Variants in ECHDC2 observed in about 807,000 individuals in gnomAD.
The protein encoded by ECHDC2 is enoyl-CoA hydratase domain containing 2.
A neutral mutation model predicts 40.6 loss-of-function variants in ECHDC2; 34 were observed. That is an observed-to-expected ratio of 0.84 (90% confidence interval 0.64 to 1.11). The LOEUF (loss-of-function observed/expected upper bound fraction) is 1.11, where lower values mean the gene tolerates loss of function less well. Ranked by LOEUF, ECHDC2 falls within the 50% of genes most tolerant of loss-of-function variation. ECHDC2 has a pLI of 0.00. For missense variants in ECHDC2, 392 were observed against 400.7 expected, an observed-to-expected ratio of 0.98 and a Z score of 0.19; for synonymous variants, 162 against 166.6, an observed-to-expected ratio of 0.97 and a Z score of 0.21.
Position 52,902,822 on chromosome 1 carries a change from C to A in ECHDC2, c.702+1824G>T, listed in dbSNP as rs1273134970. ...GGTGTTGTTTTTTTTTCTAATACTA[C>A]AATCACTCTTTGTGACCTTGATGAA... On this transcript the variant is annotated intron_variant, in intron 7 of 9. Coordinates refer to ENST00000371522, the MANE Select transcript of ECHDC2 (RefSeq NM_001198961.2). Among the ~76,000 whole-genome samples the A allele has an allele frequency of 4.6e-5, 7 of 151,852 alleles. No homozygotes were observed. The East Asian group carries it at 1.4e-3, about 29-fold the overall frequency.
intron 1 of ECHDC2, among the ~76,000 whole-genome samples, chr1:52,918,565 CA>C (rs1331049465): frequency 6.6e-6 from 1 of 151,122 alleles, no homozygotes; most frequent in Non-Finnish European, 1.5e-5. Flanking sequence ...TTGTTTTTAA[CA>C]AAAAAAGTTT....
chr1:52,897,519 C>T lies in ECHDC2; in HGVS notation c.754-35G>A, dbSNP rs185624032. The stretch of plus-strand genomic sequence containing the variant: ...AGACGTGCTCCCTGGATTGGTCTGA[C>T]CTTGTCCATCTTCACCCACACTGGA... On this transcript the variant is annotated intron_variant, in intron 8 of 9. Coordinates refer to ENST00000371522, the MANE Select transcript of ECHDC2 (RefSeq NM_001198961.2). 1.2e-5 allele frequency: 19 copies of T among 1,612,674 alleles called. No homozygotes were observed. In the East Asian group the frequency reaches 2.5e-4, roughly 21 times the overall value.
intron 7 of ECHDC2, among the ~76,000 whole-genome samples, chr1:52,903,964 C>T (rs920352842): frequency 1.3e-5 from 2 of 151,822 alleles, no homozygotes; most frequent in Non-Finnish European, 2.9e-5. Flanking sequence ...ATTACAGGTG[C>T]GTGCCTCCAC....
At position 52,914,168 on chromosome 1, in the gene ECHDC2, G is replaced by A. The variant is rs1464145835; in HGVS notation, c.122-2378C>T. ...TTGGAGAAAAAGGACAAACAAGTAA[G>A]GGGCCTCCAGTGGGCAGAGGGGAGC... On this transcript the variant is annotated intron_variant, in intron 1 of 9. Coordinates refer to ENST00000371522, the MANE Select transcript of ECHDC2 (RefSeq NM_001198961.2). The surrounding 1 kb of genome is among the most constrained non-coding windows in gnomAD (Gnocchi z 4.0). The A allele has an allele frequency of 2.2e-6, 1 of 453,892 alleles. No individual in the cohort carries two copies. The highest frequency in any genetic ancestry group is 4.4e-6 in the Non-Finnish European group (1 of 228,656). The allele number at this position is 453,892 out of a possible 1,614,324, so 28.1% of individuals were successfully genotyped here. A position where few individuals can be genotyped will look rare whatever the true frequency, so the allele number is the denominator to read the frequency against.
At chr1:52,920,442 A>G (rs1392882754) in intron 1 of ECHDC2, 4 of 1,183,958 alleles carry the variant, frequency 3.4e-6, no homozygotes, top group East Asian at 2.5e-5. Context: ...CCACTGAAAC[A>G]GCCCAAGAAT....
chr1:52,921,554 T>C lies in ECHDC2; in HGVS notation c.120A>G (p.Gln40=). 6.2e-7 allele frequency: 1 copy of C among 1,609,578 alleles called. No homozygotes were observed. The highest frequency in any genetic ancestry group is 8.5e-7 in the Non-Finnish European group (1 of 1,178,568). ...GCCGCCCCGGAACTGCACATTTACC[T>C]TGGTCCGGACCCGCCAGGGCGCGCA... ...IQVRALAGPD[Q]GITEILMNRP... Residue 40 remains glutamine (Q), a splice_region_variant and synonymous_variant, in exon 1 of 10, where the codon CAA becomes CAG. Coordinates refer to ENST00000371522, the MANE Select transcript of ECHDC2 (RefSeq NM_001198961.2).
intron 3 of ECHDC2, among the ~76,000 whole-genome samples, chr1:52,909,084 C>T (rs1451550623): frequency 2.0e-5 from 3 of 152,054 alleles, no homozygotes; most frequent in African/African-American, 4.8e-5. Flanking sequence ...TACTACCTCA[C>T]GTCTATTAGA....
intron 4 of ECHDC2, chr1:52,906,941 AT>A (rs532560153): frequency 0.021 from 2,240 of 107,176 alleles, 17 homozygotes; most frequent in African/African-American, 0.03. Flanking sequence ...ATTTTTTTGT[AT>A]TTTTTTTTTT....
At position 52,911,730 on chromosome 1, in the gene ECHDC2, A is replaced by G. The variant is rs1017277468; in HGVS notation, c.182T>C (p.Val61Ala). 1.2e-6 allele frequency: 2 copies of G among 1,613,806 alleles called. No homozygotes were observed. The highest frequency in any genetic ancestry group is 8.5e-7 in the Non-Finnish European group (1 of 1,179,776). The change falls in exon 2 of 10, where the codon GTC becomes GCC. Residue 61 changes from valine (V) to alanine (A), a missense_variant. By Grantham distance (64) the Val-to-Ala change is moderately conservative. Coordinates refer to ENST00000371522, the MANE Select transcript of ECHDC2 (RefSeq NM_001198961.2). Reference sequence around the variant, plus strand: ...GCGCCCGCCCTTTCTTACCTCACTGACGAAGACATTCCCCAAGGCATTGCG... The same window carrying G: ...GCGCCCGCCCTTTCTTACCTCACTGGCGAAGACATTCCCCAAGGCATTGCG... ...SARNALGNVFVSELLETLAQL... is the reference protein window; with the variant it reads ...SARNALGNVFASELLETLAQL...
chr1:52,905,937 G>A (rs188454045), intron 5 of ECHDC2: 82 of 227,740 alleles, frequency 3.6e-4, no homozygotes, highest in African/African-American at 1.8e-3. Context: ...AGGAGAGAGC[G>A]GTGGGGGGAG....
chr1:52,921,211 G>C (rs554421740), intron 1 of ECHDC2, among the ~76,000 whole-genome samples: 1 of 152,264 alleles, frequency 6.6e-6, no homozygotes, highest in South Asian at 2.1e-4. Flanking sequence ...CAGGACCCTT[G>C]GCGGGGGAGG....
At position 52,904,805 on chromosome 1, in the gene ECHDC2, C is replaced by G; in HGVS notation, c.543G>C (p.Leu181=). ...TGAGCTCCTTCGCCAGGGCCACCCC[C>G]AGACAACGGGGCAGCCTCTGAGTCC... The part of the protein sequence containing the change: ...AGGTQRLPRC[L]GVALAKELIF... Residue 181 remains leucine (L), a synonymous_variant, in exon 7 of 10, where the codon CTG becomes CTC. Coordinates refer to ENST00000371522, the MANE Select transcript of ECHDC2 (RefSeq NM_001198961.2). The G allele has an allele frequency of 1.2e-6, 2 of 1,613,026 alleles. No individual in the cohort carries two copies. Among genetic ancestry groups the G allele is most frequent in the Non-Finnish European group, 1.7e-6 (2 of 1,179,784 alleles).
chr1:52,911,723 C>T lies in ECHDC2; in HGVS notation c.189G>A (p.Glu63=), dbSNP rs1649563901. The T allele has an allele frequency of 1.2e-6, 2 of 1,614,172 alleles. No individual in the cohort carries two copies. The highest frequency in any genetic ancestry group is 1.7e-6 in the Non-Finnish European group (2 of 1,179,990). ...CACCCTGGCGCCCGCCCTTTCTTAC[C>T]TCACTGACGAAGACATTCCCCAAGG... ...RNALGNVFVS[E]LLETLAQLRE... is the part of the protein sequence containing the mutation. The change falls in exon 2 of 10, where the codon GAG becomes GAA. Residue 63 remains glutamate (E), a splice_region_variant and synonymous_variant. Transcript: ENST00000371522.
chr1:52,908,669 C>T (rs1648578343), intron 3 of ECHDC2, among the ~76,000 whole-genome samples: 1 of 151,992 alleles, frequency 6.6e-6, no homozygotes, highest in African/African-American at 2.4e-5. Context: ...CGCAGTGGCT[C>T]ACACCTGTAA....
chr1:52,911,507 C>T lies in ECHDC2; in HGVS notation c.277+59G>A, dbSNP rs1029844236. On this transcript the variant is annotated intron_variant, in intron 3 of 9. Coordinates refer to ENST00000371522, the MANE Select transcript of ECHDC2 (RefSeq NM_001198961.2). ...GAAGCTGATCTAAGGTTTCCCCCAA[C>T]CCCTGGAGGCTGGTGGGCACCCTGC... is the stretch of plus-strand genomic sequence containing the variant. 1.9e-6 allele frequency: 3 copies of T among 1,544,506 alleles called. No individual in the cohort carries two copies. The South Asian group carries it at 3.4e-5, about 17-fold the overall frequency.
chr1:52,904,476 C>A (rs1647230687), intron 7 of ECHDC2, among the ~76,000 whole-genome samples, 170 bp downstream of exon 7: 1 of 152,196 alleles, frequency 6.6e-6, no homozygotes, highest in South Asian at 2.1e-4. Context: ...CATTTTAATT[C>A]AGAATTAAAA....
Position 52,896,500 on chromosome 1 carries a change from G to C in ECHDC2, c.*20C>G. ...GCTCTTCAGGGCATGCATCTCCCAT[G>C]CTGAAGGTTAAAATGGGGGTCATTT... On this transcript the variant is annotated 3_prime_UTR_variant, in exon 10 of 10. Transcript: ENST00000371522. 2 of 1,603,814 alleles carry C rather than the reference G, an allele frequency of 1.2e-6. No individual in the cohort carries two copies. Among genetic ancestry groups the C allele is most frequent in the African/African-American group, 2.7e-5 (2 of 74,844 alleles).
chr1:52,915,885 C>T (rs1293874937), intron 1 of ECHDC2, among the ~76,000 whole-genome samples: 1 of 152,160 alleles, frequency 6.6e-6, no homozygotes, highest in East Asian at 1.9e-4. Context: ...TTATTAGAGA[C>T]ACTCATGGGC....
At chr1:52,904,933 G>A in intron 6 of ECHDC2, 100 bp from the exon 7 acceptor site, 1 of 1,599,050 alleles carries the variant, frequency 6.3e-7, no homozygotes, top group Non-Finnish European at 8.6e-7. Flanking sequence ...GAGGAGCAGG[G>A]TTCAGGTGGG....
Sources: allele counts gnomAD v4.1 joint callset (sites outside exome capture counted in the v4.1 genomes callset), GRCh38; gene constraint gnomAD v4.1.1; non-coding constraint Gnocchi (gnomAD v3.1); transcripts MANE v1.5; gene names NCBI Gene and HGNC (gene_info 2026-07-23, HGNC 2026-07-21).